ERC1: variants seen among roughly 807,000 people sequenced by gnomAD.
ERC1 encodes the protein RAB6 interacting protein 2.
In ERC1, 56 loss-of-function variants were observed where a neutral mutation model predicts 132.0. The ratio of observed to expected loss-of-function variants is 0.42; its 90% CI spans 0.34 to 0.53. The LOEUF (loss-of-function observed/expected upper bound fraction) is 0.53. ERC1 is among the 20% of genes least tolerant of loss of function. The pLI is 0.03. For missense variants in ERC1, 1,202 were observed against 1,349.9 expected (o/e 0.89, Z 1.72); for synonymous variants, 478 against 476.1 (o/e 1.00, Z -0.05).
intron 12 of ERC1, among the ~76,000 whole-genome samples, chr12:1,221,555 T>C (rs946622097): frequency 2.6e-5 from 4 of 152,236 alleles, no homozygotes; most frequent in Admixed American, 2.0e-4. Context: ...TATTGATATC[T>C]TTTCTCCTTT....
intron 18 of ERC1, among the ~76,000 whole-genome samples, chr12:1,484,071 T>G (rs76392972): frequency 1.6e-4 from 24 of 150,896 alleles, no homozygotes; most frequent in Non-Finnish European, 3.1e-4. Flanking sequence ...TTTGGGAGGC[T>G]GAGGCGGGCG....
chr12:1,168,073 T>C (rs1240682894), intron 8 of ERC1, among the ~76,000 whole-genome samples: 1 of 152,158 alleles, frequency 6.6e-6, no homozygotes, highest in Non-Finnish European at 1.5e-5. Flanking sequence ...TGGATTTGTT[T>C]CATTGCATCC....
rs1345293032 is a variant in ERC1 at position 1,493,545 on chromosome 12, AAAAATAT to A, written c.*3317_*3323del. 4.9e-4 allele frequency: 36 copies of A among 73,594 alleles called. No individual in the cohort carries two copies. Among genetic ancestry groups the A allele is most frequent in the South Asian group, 2.3e-3 (4 of 1,756 alleles). 4.6% of individuals were successfully genotyped at this position (73,594 alleles called of 1,614,324 possible). A position where few individuals can be genotyped will look rare whatever the true frequency, so the allele number is the denominator to read the frequency against. On this transcript the variant is annotated 3_prime_UTR_variant, in exon 19 of 19. Coordinates refer to ENST00000360905, the MANE Select transcript of ERC1 (RefSeq NM_178040.4). ...GAGACTCCATTTAAAAAAAAAAAAAAAAAATATATATATATATATATATATATATATA... is the reference window on the plus strand; with the variant it reads ...GAGACTCCATTTAAAAAAAAAAAAAAATATATATATATATATATATATATA...
At chr12:1,477,673 T>G (rs1260694837) in intron 18 of ERC1, among the ~76,000 whole-genome samples, 1 of 152,180 alleles carries the variant, frequency 6.6e-6, no homozygotes, top group African/African-American at 2.4e-5. Flanking sequence ...ACAAATCCTA[T>G]GTATATAGCT....
intron 12 of ERC1, among the ~76,000 whole-genome samples, chr12:1,219,384 G>A (rs1336853619): frequency 2.6e-5 from 4 of 151,994 alleles, no homozygotes; most frequent in Non-Finnish European, 5.9e-5. Flanking sequence ...CTCAATAAAT[G>A]GTACTACCAT....
rs35902573 is a variant in ERC1, at chr12:1,341,069, C to CTTTTTTTTTTTTTTTTTTTTTT, written c.2781-30743_2781-30722dup. ...AATGTCCACTTATTCTTTTCTTTTTCTTTTTTTTTTTTTTTTTTTTTTTTT... is the reference window on the plus strand; with the variant it reads ...AATGTCCACTTATTCTTTTCTTTTTCTTTTTTTTTTTTTTTTTTTTTTTTTTTTTTTTTTTTTTTTTTTTTTT... On this transcript the variant is annotated intron_variant, in intron 15 of 18. Coordinates refer to ENST00000360905, the MANE Select transcript of ERC1 (RefSeq NM_178040.4). Among the ~76,000 whole-genome samples, 95 of 63,148 alleles carry CTTTTTTTTTTTTTTTTTTTTTT rather than the reference C, an allele frequency of 1.5e-3. 22 individuals are homozygous for CTTTTTTTTTTTTTTTTTTTTTT. Among genetic ancestry groups the CTTTTTTTTTTTTTTTTTTTTTT allele is most frequent in the East Asian group, 2.9e-3 (4 of 1,372 alleles). 41.4% of individuals were successfully genotyped at this position (63,148 alleles called of 152,430 possible).
chr12:999,113 G>T (rs1301521472), intron 1 of ERC1, among the ~76,000 whole-genome samples: 1 of 152,094 alleles, frequency 6.6e-6, no homozygotes, highest in Non-Finnish European at 1.5e-5. Flanking sequence ...GTCTGCCTTG[G>T]CCTCCCAAAG....
chr12:1,231,352 A>G (rs540373839), intron 12 of ERC1, among the ~76,000 whole-genome samples: 1 of 152,232 alleles, frequency 6.6e-6, no homozygotes, highest in South Asian at 2.1e-4. Flanking sequence ...CACACTTTAC[A>G]TCTTTTTATA....
chr12:1,145,991 A>G (rs1459446465), intron 8 of ERC1, among the ~76,000 whole-genome samples: 2 of 152,138 alleles, frequency 1.3e-5, no homozygotes, highest in Admixed American at 6.5e-5. Context: ...GTATAGTTTG[A>G]AGTTGAGTAA....
intron 15 of ERC1, among the ~76,000 whole-genome samples, chr12:1,322,642 C>T (rs1336582270): frequency 2.0e-5 from 3 of 152,150 alleles, no homozygotes; most frequent in South Asian, 4.1e-4. Flanking sequence ...TTCCATAATT[C>T]TCAGCTGTTT....
At chr12:1,042,376 T>C (rs1014999541) in intron 2 of ERC1, among the ~76,000 whole-genome samples, 1 of 145,238 alleles carries the variant, frequency 6.9e-6, no homozygotes, top group Non-Finnish European at 1.5e-5. Context: ...AAATGGAGTT[T>C]AGCTCTGTTG....
At chr12:1,483,657 G>T (rs73601962) in intron 18 of ERC1, among the ~76,000 whole-genome samples, 11,535 of 121,730 alleles carry the variant, frequency 0.095, 1,789 homozygotes, top group African/African-American at 0.33. Context: ...ACTCCTTCCA[G>T]CCACTGAGAG....
chr12:1,189,401 C>T lies in ERC1; in HGVS notation c.2158-458C>T, dbSNP rs917923604. ...GATGCCCAAGGCCATGTGAGTCACA[C>T]GTGTTAGGTAAAGCAGCATATAGGA... is the stretch of plus-strand genomic sequence containing the variant. On this transcript the variant is annotated intron_variant, in intron 11 of 18. Coordinates refer to ENST00000360905, the MANE Select transcript of ERC1 (RefSeq NM_178040.4). Among the ~76,000 whole-genome samples, 16 of 152,230 alleles carry T rather than the reference C, an allele frequency of 1.1e-4. No individual in the cohort carries two copies. The South Asian group carries it at 2.9e-3, about 28-fold the overall frequency.
chr12:1,344,192 A>T (rs565190034), intron 15 of ERC1, among the ~76,000 whole-genome samples: 1 of 152,312 alleles, frequency 6.6e-6, no homozygotes, highest in South Asian at 2.1e-4. Context: ...ATTATACAAC[A>T]ATACTTTTAT....
chr12:1,203,250 G>T (rs1957076220), intron 12 of ERC1, among the ~76,000 whole-genome samples: 1 of 152,072 alleles, frequency 6.6e-6, no homozygotes, highest in South Asian at 2.1e-4. Context: ...TAGAGATGGG[G>T]TTTCACCGTG....
Position 1,444,293 on chromosome 12 carries a change from G to A in ERC1, c.3025-269G>A, listed in dbSNP as rs377160216. The A allele has an allele frequency of 1.8e-4, 49 of 265,162 alleles. 1 individual carries two copies. Among genetic ancestry groups the A allele is most frequent in the African/African-American group, 1.1e-3 (48 of 45,310 alleles). 16.4% of individuals were successfully genotyped at this position (265,162 alleles called of 1,614,324 possible). A position where few individuals can be genotyped will look rare whatever the true frequency, so the allele number is the denominator to read the frequency against. ...TAGTCCTGTGCTTAATTCCTGCCTC[G>A]ATACAGAGCTGTCCGTCTGGTGTGA... On this transcript the variant is annotated intron_variant, in intron 17 of 18. Coordinates refer to ENST00000360905, the MANE Select transcript of ERC1 (RefSeq NM_178040.4).
chr12:1,440,104 A>G (rs2093060942), intron 17 of ERC1, among the ~76,000 whole-genome samples: 1 of 152,166 alleles, frequency 6.6e-6, no homozygotes, highest in African/African-American at 2.4e-5. Context: ...AGAGTAATCC[A>G]TCACTTCAAA....
intron 7 of ERC1, among the ~76,000 whole-genome samples, chr12:1,127,526 G>A (rs186153168): frequency 3.6e-4 from 55 of 151,520 alleles, no homozygotes; most frequent in Admixed American, 1.4e-3. Context: ...TTTTGAGACG[G>A]AGTTTTACTC....
intron 12 of ERC1, among the ~76,000 whole-genome samples, chr12:1,218,882 C>T (rs1039263940): frequency 5.7e-4 from 86 of 150,488 alleles, no homozygotes; most frequent in African/African-American, 2.1e-3. Flanking sequence ...TCAGACTTTT[C>T]TTTTTTTTGA....
Sources: allele counts gnomAD v4.1 joint callset (sites outside exome capture counted in the v4.1 genomes callset), GRCh38; gene constraint gnomAD v4.1.1; transcripts MANE v1.5; gene names NCBI Gene and HGNC (gene_info 2026-07-23, HGNC 2026-07-21).